Variants in ALCAM observed in about 807,000 individuals in gnomAD.
The protein encoded by ALCAM is CD166 antigen.
In ALCAM, 30 loss-of-function variants were observed where a neutral mutation model predicts 70.9. That is an observed-to-expected ratio of 0.42 (90% CI 0.32 to 0.57). The LOEUF (loss-of-function observed/expected upper bound fraction) is 0.57, where lower values mean the gene tolerates loss of function less well. ALCAM is among the 20% of genes least tolerant of loss of function. The pLI is 0.11. For synonymous variants in ALCAM, 249 were observed against 242.5 expected (o/e 1.03, Z -0.25); for missense variants, 591 against 695.1 (o/e 0.85, Z 1.68).
At chr3:105,529,302 A>C (rs1176229070) in intron 3 of ALCAM, among the ~76,000 whole-genome samples, 1 of 152,196 alleles carries the variant, frequency 6.6e-6, no homozygotes, top group Non-Finnish European at 1.5e-5. Flanking sequence ...GATGCAAGTA[A>C]ATTTGTAGCA....
intron 1 of ALCAM, among the ~76,000 whole-genome samples, chr3:105,407,083 A>G (rs1936254768): frequency 6.6e-6 from 1 of 152,154 alleles, no homozygotes; most frequent in African/African-American, 2.4e-5. Flanking sequence ...CCAACAAAAA[A>G]AAGTCCAGGA....
At chr3:105,449,847 G>A (rs1186026163) in intron 1 of ALCAM, among the ~76,000 whole-genome samples, 1 of 152,064 alleles carries the variant, frequency 6.6e-6, no homozygotes, top group Non-Finnish European at 1.5e-5. Context: ...CAAGAGAATG[G>A]TGGCACAGTT....
At chr3:105,508,555 A>G (rs963759649) in intron 1 of ALCAM, among the ~76,000 whole-genome samples, 2 of 152,204 alleles carry the variant, frequency 1.3e-5, no homozygotes, top group African/African-American at 2.4e-5. Flanking sequence ...CCATAAAAAC[A>G]TTCAGTATTA....
chr3:105,448,833 G>A lies in ALCAM; in HGVS notation c.74-71234G>A, dbSNP rs16851161. On this transcript the variant is annotated intron_variant, in intron 1 of 15. Transcript: ENST00000306107. Reference sequence around the variant, plus strand: ...TTGATGATGAGCATCCACAGGCACAGGGAACAGAATCTTGCTATTCATTGA... The same window carrying A: ...TTGATGATGAGCATCCACAGGCACAAGGAACAGAATCTTGCTATTCATTGA... Among the ~76,000 whole-genome samples the A allele has an allele frequency of 3.9e-3, 591 of 152,304 alleles. 13 individuals are homozygous for A. Among genetic ancestry groups the A allele is most frequent in the Admixed American group, 0.028 (429 of 15,298 alleles).
chr3:105,527,422 C>A (rs1039344007), intron 3 of ALCAM, among the ~76,000 whole-genome samples: 1 of 152,102 alleles, frequency 6.6e-6, no homozygotes, highest in African/African-American at 2.4e-5. Flanking sequence ...AAGATTCACT[C>A]CTCATCAGTA....
intron 1 of ALCAM, among the ~76,000 whole-genome samples, chr3:105,513,076 T>C (rs943205949): frequency 6.6e-6 from 1 of 151,532 alleles, no homozygotes; most frequent in Admixed American, 6.6e-5. Flanking sequence ...TCTTTCTGCC[T>C]ATCCCCCCCA....
chr3:105,407,123 G>T (rs1245078322), intron 1 of ALCAM, among the ~76,000 whole-genome samples: 2 of 152,162 alleles, frequency 1.3e-5, no homozygotes, highest in East Asian at 3.9e-4. Context: ...AATTCTATTA[G>T]ACATTCAAAG....
intron 1 of ALCAM, among the ~76,000 whole-genome samples, chr3:105,447,205 A>G (rs191080763): frequency 8.9e-4 from 136 of 152,298 alleles, no homozygotes; most frequent in African/African-American, 3.1e-3. Context: ...TGAAAATGCA[A>G]AGAGAAATGT....
In ALCAM at chr3:105,540,053, G is replaced by T; in HGVS notation, c.809G>T (p.Cys270Phe). The T allele has an allele frequency of 6.2e-7, 1 of 1,612,448 alleles. No individual in the cohort carries two copies. The highest frequency in any genetic ancestry group is 8.5e-7 in the Non-Finnish European group (1 of 1,178,886). The change falls in exon 7 of 16, where the codon TGC becomes TTC. Residue 270 changes from cysteine (C) to phenylalanine (F), a missense_variant. Physicochemically the swap from Cys to Phe is radical, Grantham distance 205 (BLOSUM62 -2). Transcript: ENST00000306107. Reference protein sequence around the residue: ...IKEGDNITLKCLGNGNPPPEE... With the variant: ...IKEGDNITLKFLGNGNPPPEE... ...GAAGGGGATAACATCACTCTTAAAT[G>T]CTTAGGGAATGGCAACCCTCCCCCA...
chr3:105,437,514 C>A (rs6806304), intron 1 of ALCAM, among the ~76,000 whole-genome samples: 102,417 of 151,856 alleles, frequency 0.67, 34,856 homozygotes, highest in East Asian at 0.92. Flanking sequence ...ATAAGGAAGA[C>A]AAGCTGAATG....
At chr3:105,564,376 T>C (rs1185058363) in intron 14 of ALCAM, among the ~76,000 whole-genome samples, 1 of 152,196 alleles carries the variant, frequency 6.6e-6, no homozygotes, top group Non-Finnish European at 1.5e-5. Flanking sequence ...TGCTCTGCAG[T>C]CTATTATCTG....
chr3:105,383,197 T>A (rs1202505542), intron 1 of ALCAM, among the ~76,000 whole-genome samples: 1 of 151,800 alleles, frequency 6.6e-6, no homozygotes, highest in African/African-American at 2.4e-5. Flanking sequence ...CTAAGGTGCC[T>A]GTCCTCTGTA....
intron 1 of ALCAM, among the ~76,000 whole-genome samples, chr3:105,461,128 C>A (rs576092956): frequency 6.6e-6 from 1 of 151,646 alleles, no homozygotes; most frequent in Admixed American, 6.6e-5. Flanking sequence ...AACATACATA[C>A]ATAAAGCAAA....
At chr3:105,486,503 AAGG>A (rs1258551582) in intron 1 of ALCAM, among the ~76,000 whole-genome samples, 1 of 152,136 alleles carries the variant, frequency 6.6e-6, no homozygotes, top group East Asian at 1.9e-4. Flanking sequence ...ATTTTTCTTA[AAGG>A]AGGAGAACAA....
chr3:105,547,338 G>C (rs770779507), intron 10 of ALCAM, 52 bp from the exon 11 acceptor site: 159 of 1,574,388 alleles, frequency 1.0e-4, no homozygotes, highest in Non-Finnish European at 1.4e-4. Flanking sequence ...TTTTTTACCT[G>C]GTTTCTTTTA....
intron 1 of ALCAM, among the ~76,000 whole-genome samples, chr3:105,472,355 C>A (rs1344536346): frequency 1.3e-5 from 2 of 151,440 alleles, no homozygotes; most frequent in Non-Finnish European, 3.0e-5. Context: ...AGAAGACAGA[C>A]TGGGAAAGCT....
At chr3:105,556,964 C>T (rs139674963) in intron 14 of ALCAM, among the ~76,000 whole-genome samples, 1,537 of 151,730 alleles carry the variant, frequency 0.01, 18 homozygotes, top group Middle Eastern at 0.027. Context: ...TACAATTAAC[C>T]CCATTTTGTA....
chr3:105,550,802 A>T (rs554386653), intron 12 of ALCAM, among the ~76,000 whole-genome samples: 77 of 151,744 alleles, frequency 5.1e-4, no homozygotes, highest in Admixed American at 1.1e-3. Flanking sequence ...TATCATATTT[A>T]AACTATAGCC....
At chr3:105,477,740 G>A (rs1406656079) in intron 1 of ALCAM, among the ~76,000 whole-genome samples, 1 of 151,928 alleles carries the variant, frequency 6.6e-6, no homozygotes, top group African/African-American at 2.4e-5. Flanking sequence ...TGGTATCAAT[G>A]CTCAGCTTCC....
Sources: gnomAD v4.1 joint callset for allele counts (sites outside exome capture counted in the v4.1 genomes callset) on GRCh38, gnomAD v4.1.1 for gene constraint, MANE v1.5 for transcripts, NCBI Gene and HGNC (gene_info 2026-07-23, HGNC 2026-07-21) for gene names.